The following BANK1 variants were observed in gnomAD, a reference collection of about 807,000 sequenced individuals.
The protein encoded by BANK1 is B cell scaffold protein with ankyrin repeats 1.
A neutral mutation model predicts 94.5 loss-of-function variants in BANK1; 95 were observed. That is an observed-to-expected ratio of 1.00 (90% confidence interval 0.85 to 1.19). The LOEUF (loss-of-function observed/expected upper bound fraction) is 1.19. Ranked by LOEUF, BANK1 falls within the 50% of genes most tolerant of loss-of-function variation. The probability of loss-of-function intolerance (pLI) is 0.00; values close to 1 mark genes in which losing one functional copy is unlikely to be tolerated. For synonymous variants in BANK1, 334 were observed against 308.4 expected (o/e 1.08, Z -0.87); for missense variants, 987 against 932.2 (o/e 1.06, Z -0.77).
chr4:101,804,487 A>G (rs1357548081), intron 1 of BANK1, among the ~76,000 whole-genome samples: 4 of 152,166 alleles, frequency 2.6e-5, no homozygotes, highest in Non-Finnish European at 4.4e-5. Context: ...CATGGGAAGT[A>G]CCACTAGTGA....
chr4:101,967,068 C>T (rs553709373), intron 7 of BANK1, among the ~76,000 whole-genome samples: 2 of 152,060 alleles, frequency 1.3e-5, no homozygotes, highest in Non-Finnish European at 2.9e-5. Context: ...TGAGCACTTA[C>T]TGTATTCAAG....
intron 1 of BANK1, among the ~76,000 whole-genome samples, chr4:101,799,641 A>G (rs1174193729): frequency 6.6e-6 from 1 of 152,256 alleles, no homozygotes; most frequent in Non-Finnish European, 1.5e-5. Flanking sequence ...TTGGGAGGCC[A>G]AGGTGGGCGG....
chr4:101,985,769 A>C (rs530958980), intron 7 of BANK1, among the ~76,000 whole-genome samples: 2 of 152,230 alleles, frequency 1.3e-5, no homozygotes, highest in African/African-American at 4.8e-5. Flanking sequence ...AAAAATCTAC[A>C]TTCAACATCT....
At chr4:101,914,793 C>A (rs551369443) in intron 6 of BANK1, among the ~76,000 whole-genome samples, 3 of 152,312 alleles carry the variant, frequency 2.0e-5, no homozygotes, top group African/African-American at 7.2e-5. Flanking sequence ...AGGCATGCCA[C>A]TGCTTTCAAG....
chr4:102,011,136 G>A (rs891501047), intron 7 of BANK1, among the ~76,000 whole-genome samples: 12 of 152,096 alleles, frequency 7.9e-5, no homozygotes, highest in Non-Finnish European at 1.2e-4. Flanking sequence ...TTACCTTCGG[G>A]AAATGAATAG....
intron 13 of BANK1, among the ~76,000 whole-genome samples, chr4:102,068,905 C>A (rs1728675518): frequency 6.6e-6 from 1 of 151,478 alleles, no homozygotes; most frequent in African/African-American, 2.4e-5. Context: ...CCAAAAAGGA[C>A]AAATTACTTG....
At chr4:101,936,571 C>G (rs72916159) in intron 7 of BANK1, among the ~76,000 whole-genome samples, 1 of 149,562 alleles carries the variant, frequency 6.7e-6, no homozygotes, top group Non-Finnish European at 1.5e-5. Flanking sequence ...TATATGTATA[C>G]GTGTATGTGT....
chr4:102,073,879 A>T (rs1407263122), intron 16 of BANK1, 126 bp from the exon 17 acceptor site: 1 of 676,712 alleles, frequency 1.5e-6, no homozygotes, highest in African/African-American at 1.8e-5. Flanking sequence ...ATTAACATGT[A>T]TTTTTCAAGC....
chr4:101,924,343 T>C (rs1723088016), intron 7 of BANK1, among the ~76,000 whole-genome samples: 1 of 55,464 alleles, frequency 1.8e-5, no homozygotes, highest in South Asian at 4.8e-4. Flanking sequence ...GGAATAACTA[T>C]TCTCAGATGT....
chr4:101,829,755 T>G, intron 1 of BANK1, 53 bp from the exon 2 acceptor site: 3 of 1,233,610 alleles, frequency 2.4e-6, no homozygotes, highest in Non-Finnish European at 3.3e-6. Context: ...GAAATAATAA[T>G]TTAACCTGCT....
chr4:102,064,449 CATT>C (rs1428102704), intron 13 of BANK1, among the ~76,000 whole-genome samples: 4 of 152,066 alleles, frequency 2.6e-5, no homozygotes, highest in Non-Finnish European at 5.9e-5. Context: ...ATCACCTATA[CATT>C]ATTGTTTCTT....
chr4:101,937,149 A>G lies in BANK1; in HGVS notation c.1206+18960A>G, dbSNP rs1723593545. Among the ~76,000 whole-genome samples, 5 of 151,710 alleles carry G rather than the reference A, an allele frequency of 3.3e-5. 1 individual carries two copies. The South Asian group carries it at 1.0e-3, about 31-fold the overall frequency. ...AAAGAATGCAGTCCTGTCATTTGCA[A>G]CACCATAGACAGAACTGGAGGACAT... On this transcript the variant is annotated intron_variant, in intron 7 of 16. Coordinates refer to ENST00000322953, the MANE Select transcript of BANK1 (RefSeq NM_017935.5).
chr4:101,884,746 C>T (rs1276572711), intron 5 of BANK1, among the ~76,000 whole-genome samples: 1 of 152,078 alleles, frequency 6.6e-6, no homozygotes, highest in Non-Finnish European at 1.5e-5. Context: ...AAATATTGGT[C>T]ACCTCTCTTC....
At chr4:101,910,214 C>T (rs1190563210) in intron 6 of BANK1, among the ~76,000 whole-genome samples, 1 of 151,502 alleles carries the variant, frequency 6.6e-6, no homozygotes, top group Non-Finnish European at 1.5e-5. Flanking sequence ...CAAGAATTTA[C>T]ATTTCTCACA....
intron 5 of BANK1, among the ~76,000 whole-genome samples, chr4:101,882,194 A>G (rs376713599): frequency 6.6e-6 from 1 of 152,140 alleles, no homozygotes; most frequent in Non-Finnish European, 1.5e-5. Context: ...CCATAAATAT[A>G]TATACCTAAT....
intron 1 of BANK1, among the ~76,000 whole-genome samples, chr4:101,805,445 G>C (rs1725518830): frequency 6.6e-6 from 1 of 152,048 alleles, no homozygotes; most frequent in Non-Finnish European, 1.5e-5. Flanking sequence ...CATGTTAATA[G>C]ATGCTGGCTG....
chr4:102,068,858 G>A (rs1578491696), intron 13 of BANK1, among the ~76,000 whole-genome samples: 1 of 151,102 alleles, frequency 6.6e-6, no homozygotes, highest in Middle Eastern at 3.5e-3. Context: ...AAGAAAATAT[G>A]TAGTTAACTT....
chr4:101,989,271 C>T lies in BANK1; in HGVS notation c.1207-32243C>T, dbSNP rs568860341. Among the ~76,000 whole-genome samples, 23 of 151,732 alleles carry T rather than the reference C, an allele frequency of 1.5e-4. No individual in the cohort carries two copies. In the South Asian group the frequency reaches 4.2e-3, roughly 28 times the overall value. ...CAGCCTGGTCAACATGGCAATACCC[C>T]GTCTCTATTAAAAATACAAAAATGT... is the stretch of plus-strand genomic sequence containing the variant. On this transcript the variant is annotated intron_variant, in intron 7 of 16. Transcript: ENST00000322953.
At chr4:102,029,371 T>C (rs1000752279) in intron 9 of BANK1, among the ~76,000 whole-genome samples, 5 of 151,522 alleles carry the variant, frequency 3.3e-5, no homozygotes, top group African/African-American at 9.7e-5. Flanking sequence ...GTGCAAGCAA[T>C]ATGAAACATG....
Sources: allele counts gnomAD v4.1 joint callset (sites outside exome capture counted in the v4.1 genomes callset), GRCh38; gene constraint gnomAD v4.1.1; transcripts MANE v1.5; gene names NCBI Gene and HGNC (gene_info 2026-07-23, HGNC 2026-07-21).